ADGRB3: variants seen among roughly 807,000 people sequenced by gnomAD.
ADGRB3 encodes adhesion G protein-coupled receptor B3, also known as brain-specific angiogenesis inhibitor 3.
A neutral mutation model predicts 193.4 loss-of-function variants in ADGRB3; 37 were observed. The ratio of observed to expected loss-of-function variants is 0.19; its 90% CI spans 0.15 to 0.25. The LOEUF (loss-of-function observed/expected upper bound fraction) is 0.25, where lower values mean the gene tolerates loss of function less well. ADGRB3 is among the 10% of genes least tolerant of loss of function. The probability of loss-of-function intolerance (pLI) is 1.00; values close to 1 mark genes in which losing one functional copy is unlikely to be tolerated. For missense variants in ADGRB3, 1,637 were observed against 1,852.9 expected (o/e 0.88, Z 2.14); for synonymous variants, 690 against 644.2 (o/e 1.07, Z -1.08).
chr6:68,981,852 A>ATTTC lies in ADGRB3; in HGVS notation c.1734+6515_1734+6516insCTTT, dbSNP rs577053616. Among the ~76,000 whole-genome samples the ATTTC allele has an allele frequency of 2.4e-5, 3 of 124,120 alleles. No homozygotes were observed. The East Asian group carries it at 6.2e-4, about 26-fold the overall frequency. The allele number at this position is 124,120 out of a possible 152,430, so 81.4% of individuals were successfully genotyped here. On this transcript the variant is annotated intron_variant, in intron 10 of 31. Coordinates refer to ENST00000370598, the MANE Select transcript of ADGRB3 (RefSeq NM_001704.3). ...ATGGACAATACCTATTTTGTTATTT[A>ATTTC]TTTATTTATTTATTTATTTATTTAT...
intron 3 of ADGRB3, among the ~76,000 whole-genome samples, chr6:68,678,771 C>G (rs372808509): frequency 6.6e-6 from 1 of 151,948 alleles, no homozygotes; most frequent in East Asian, 1.9e-4. Context: ...TAAGATTGAT[C>G]GTATTGTTAT....
At chr6:68,996,925 T>C (rs1769401188) in intron 11 of ADGRB3, among the ~76,000 whole-genome samples, 1 of 152,156 alleles carries the variant, frequency 6.6e-6, no homozygotes, top group South Asian at 2.1e-4. Context: ...GTGGTAATAA[T>C]CACAGAGGTA....
intron 17 of ADGRB3, among the ~76,000 whole-genome samples, chr6:69,085,052 A>G (rs949550690): frequency 1.3e-5 from 2 of 152,154 alleles, no homozygotes; most frequent in African/African-American, 2.4e-5. Flanking sequence ...TACTTTGGGA[A>G]GAATTTCCAG....
intron 24 of ADGRB3, among the ~76,000 whole-genome samples, chr6:69,335,721 A>T (rs1768830714): frequency 6.6e-6 from 1 of 152,094 alleles, no homozygotes; most frequent in Admixed American, 6.5e-5. Flanking sequence ...CAGGAAACTA[A>T]TTGGTCGACT....
At chr6:68,936,719 A>G (rs1319367651) in intron 5 of ADGRB3, 39 bp downstream of exon 5, 1 of 1,588,262 alleles carries the variant, frequency 6.3e-7, no homozygotes, top group Non-Finnish European at 8.6e-7. Context: ...ATGTTATTGA[A>G]TTGTGTCATG....
chr6:68,782,406 T>TC (rs1766873208), intron 3 of ADGRB3, among the ~76,000 whole-genome samples: 1 of 152,068 alleles, frequency 6.6e-6, no homozygotes, highest in Non-Finnish European at 1.5e-5. Context: ...AAGTCTTTGC[T>TC]ATTGTGAATA....
intron 3 of ADGRB3, among the ~76,000 whole-genome samples, chr6:68,810,955 A>G (rs539123021): frequency 1.3e-5 from 2 of 152,312 alleles, no homozygotes; most frequent in South Asian, 4.1e-4. Context: ...AAAATGATAT[A>G]AAGTGATATA....
intron 8 of ADGRB3, among the ~76,000 whole-genome samples, chr6:68,970,639 T>C (rs890391710): frequency 6.6e-6 from 1 of 152,178 alleles, no homozygotes; most frequent in African/African-American, 2.4e-5. Flanking sequence ...TTGGTTCTTC[T>C]AAAGCAGGGC....
rs909647048 is a variant in ADGRB3 at position 69,046,731 on chromosome 6, C to T, written c.2108-1454C>T. Among the ~76,000 whole-genome samples the T allele has an allele frequency of 6.6e-5, 10 of 152,182 alleles. No individual in the cohort carries two copies. The East Asian group carries it at 1.2e-3, about 18-fold the overall frequency. Reference sequence around the variant, plus strand: ...CTAATGTGATATACTAATACATAACCAATTTAATTTGAAACTAAGTAGTGC... The same window carrying T: ...CTAATGTGATATACTAATACATAACTAATTTAATTTGAAACTAAGTAGTGC... On this transcript the variant is annotated intron_variant, in intron 13 of 31. Coordinates refer to ENST00000370598, the MANE Select transcript of ADGRB3 (RefSeq NM_001704.3).
chr6:68,642,204 A>G (rs144841972), intron 3 of ADGRB3, among the ~76,000 whole-genome samples: 6,509 of 152,264 alleles, frequency 0.043, 186 homozygotes, highest in Non-Finnish European at 0.063. Flanking sequence ...TATCTTCAAC[A>G]TGTATTGTAC....
Position 69,121,472 on chromosome 6 carries a change from G to A in ADGRB3, c.2480+45434G>A, listed in dbSNP as rs938983036. ...CCCCATATTTCCCCCTTTTCTTTTCGACAAAACTGCCATCGTCATCATGGC... is the reference window on the plus strand; with the variant it reads ...CCCCATATTTCCCCCTTTTCTTTTCAACAAAACTGCCATCGTCATCATGGC... On this transcript the variant is annotated intron_variant, in intron 17 of 31. Transcript: ENST00000370598. Among the ~76,000 whole-genome samples the A allele has an allele frequency of 3.3e-5, 5 of 151,090 alleles. No individual in the cohort carries two copies. In the South Asian group the frequency reaches 1.0e-3, roughly 31 times the overall value.
At chr6:68,969,131 C>T (rs1421955809) in intron 8 of ADGRB3, among the ~76,000 whole-genome samples, 3 of 151,540 alleles carry the variant, frequency 2.0e-5, no homozygotes, top group Admixed American at 6.6e-5. Flanking sequence ...TAAAGTAAAA[C>T]CTGGCTAGTC....
At chr6:68,905,830 G>A (rs1766529898) in intron 3 of ADGRB3, among the ~76,000 whole-genome samples, 1 of 151,954 alleles carries the variant, frequency 6.6e-6, no homozygotes, top group Admixed American at 6.6e-5. Flanking sequence ...CTTTCATAGG[G>A]TTGTAGAAGG....
intron 8 of ADGRB3, among the ~76,000 whole-genome samples, chr6:68,966,654 A>G (rs1290348842): frequency 6.6e-6 from 1 of 152,186 alleles, no homozygotes; most frequent in Non-Finnish European, 1.5e-5. Context: ...AGGTACTCCC[A>G]GAGCAGCCAG....
intron 20 of ADGRB3, among the ~76,000 whole-genome samples, chr6:69,253,212 T>C (rs1360367167): frequency 6.6e-6 from 1 of 152,102 alleles, no homozygotes; most frequent in Non-Finnish European, 1.5e-5. Flanking sequence ...ATCAAAGAGC[T>C]TGAGTTCTCT....
Position 68,842,289 on chromosome 6 carries a change from T to TA in ADGRB3, c.758-88262dup, listed in dbSNP as rs1455182226. On this transcript the variant is annotated intron_variant, in intron 3 of 31. Coordinates refer to ENST00000370598, the MANE Select transcript of ADGRB3 (RefSeq NM_001704.3). ...TTGACAAACTTTTAGCCAGGCTAAC[T>TA]AAAAAAAATCCAAATAAATAAAATT... Among the ~76,000 whole-genome samples, 16 of 151,406 alleles carry TA rather than the reference T, an allele frequency of 1.1e-4. No homozygotes were observed. In the East Asian group the frequency reaches 1.7e-3, roughly 17 times the overall value.
chr6:68,899,421 C>T (rs988674335), intron 3 of ADGRB3, among the ~76,000 whole-genome samples: 2 of 144,704 alleles, frequency 1.4e-5, no homozygotes, highest in African/African-American at 2.5e-5. Context: ...AGGTATATCT[C>T]CCACTGCTAT....
chr6:68,938,528 A>AT (rs1163477318), intron 5 of ADGRB3, among the ~76,000 whole-genome samples: 3 of 150,882 alleles, frequency 2.0e-5, no homozygotes, highest in Non-Finnish European at 4.4e-5. Flanking sequence ...TATAGTTATC[A>AT]TTTTTGTGCT....
chr6:69,121,443 T>C (rs1009004909), intron 17 of ADGRB3, among the ~76,000 whole-genome samples: 3 of 152,122 alleles, frequency 2.0e-5, no homozygotes, highest in African/African-American at 7.2e-5. Flanking sequence ...TCTGTCTTTC[T>C]TTTCCCCATA....
Sources: allele counts gnomAD v4.1 joint callset (sites outside exome capture counted in the v4.1 genomes callset), GRCh38; gene constraint gnomAD v4.1.1; transcripts MANE v1.5; gene names NCBI Gene and HGNC (gene_info 2026-07-23, HGNC 2026-07-21).